Variants in MEGF11 observed in about 807,000 individuals in gnomAD.
MEGF11 encodes the protein multiple EGF like domains 11.
Under a neutral mutation model 146.6 loss-of-function variants are expected in MEGF11, and 126 were observed. That is an observed-to-expected ratio of 0.86 (90% CI 0.74 to 1.00). MEGF11 has a LOEUF of 1.00. MEGF11 is among the 50% of genes least tolerant of loss of function. The probability of loss-of-function intolerance (pLI) is 0.00; values close to 1 mark genes in which losing one functional copy is unlikely to be tolerated. For missense variants in MEGF11, 1,509 were observed against 1,521.2 expected (o/e 0.99, Z 0.13); for synonymous variants, 532 against 583.4 (o/e 0.91, Z 1.27).
In MEGF11 at chr15:66,169,647, C is replaced by T. The variant is rs559055428; in HGVS notation, c.-8-41236G>A. ...TTTGGGAAAACTTTCAAAGATGCCACGTCCTTGGTTCCTTATCTAAAGCTT... is the reference window on the plus strand; with the variant it reads ...TTTGGGAAAACTTTCAAAGATGCCATGTCCTTGGTTCCTTATCTAAAGCTT... On this transcript the variant is annotated intron_variant, in intron 1 of 25. Transcript: ENST00000395614. 9.2e-5 allele frequency among the ~76,000 whole-genome samples: 14 copies of T among 152,376 alleles called. No individual in the cohort carries two copies. The South Asian group carries it at 2.1e-3, about 23-fold the overall frequency.
intron 5 of MEGF11, among the ~76,000 whole-genome samples, chr15:66,090,773 C>A (rs1054990831): frequency 6.6e-6 from 1 of 152,188 alleles, no homozygotes; most frequent in African/African-American, 2.4e-5. Flanking sequence ...AAGGCCATTA[C>A]AAATCTAGAG....
At chr15:66,018,455 C>G (rs1233479756) in intron 5 of MEGF11, among the ~76,000 whole-genome samples, 2 of 152,184 alleles carry the variant, frequency 1.3e-5, no homozygotes, top group Admixed American at 6.5e-5. Context: ...GACTCAGCCC[C>G]GCTGTGGTTT....
intron 5 of MEGF11, among the ~76,000 whole-genome samples, chr15:66,038,045 G>A (rs192698379): frequency 3.4e-4 from 52 of 152,340 alleles, no homozygotes; most frequent in African/African-American, 1.2e-3. Context: ...GGTTTTATAT[G>A]TAATAAAATT....
intron 5 of MEGF11, among the ~76,000 whole-genome samples, chr15:66,042,272 G>C (rs185762155): frequency 4.8e-4 from 73 of 152,176 alleles, no homozygotes; most frequent in African/African-American, 1.7e-3. Context: ...ACCACACCTG[G>C]CTAATTTTTG....
At chr15:66,056,990 G>A (rs757094536) in intron 5 of MEGF11, among the ~76,000 whole-genome samples, 1 of 152,218 alleles carries the variant, frequency 6.6e-6, no homozygotes, top group Non-Finnish European at 1.5e-5. Flanking sequence ...TATTAAAGGA[G>A]CATTTATAAA....
At chr15:66,007,843 G>A (rs1418567610) in intron 5 of MEGF11, among the ~76,000 whole-genome samples, 1 of 152,214 alleles carries the variant, frequency 6.6e-6, no homozygotes, top group Non-Finnish European at 1.5e-5. Context: ...CATCTACTAA[G>A]TGCCTAGCAC....
At chr15:66,150,986 T>TGA (rs2089553520) in intron 1 of MEGF11, among the ~76,000 whole-genome samples, 1 of 151,872 alleles carries the variant, frequency 6.6e-6, no homozygotes, top group East Asian at 1.9e-4. Context: ...CTCTAGAAGG[T>TGA]GAGAAGGATT....
At chr15:66,158,539 C>T (rs1432137885) in intron 1 of MEGF11, among the ~76,000 whole-genome samples, 1 of 152,214 alleles carries the variant, frequency 6.6e-6, no homozygotes, top group Non-Finnish European at 1.5e-5. Context: ...CCCTCCGGGG[C>T]CCCAAACCTG....
intron 5 of MEGF11, among the ~76,000 whole-genome samples, chr15:66,019,113 G>T (rs1165502043): frequency 3.3e-5 from 5 of 152,168 alleles, no homozygotes; most frequent in African/African-American, 1.2e-4. Flanking sequence ...GGGCAGGGAG[G>T]CCAAGAAAGA....
intron 1 of MEGF11, among the ~76,000 whole-genome samples, chr15:66,203,056 G>A (rs1409785445): frequency 3.9e-5 from 6 of 152,066 alleles, no homozygotes; most frequent in East Asian, 3.9e-4. Flanking sequence ...TTCACCGTCC[G>A]AGGAGAGGAG....
intron 1 of MEGF11, among the ~76,000 whole-genome samples, chr15:66,245,761 C>T (rs1408018296): frequency 6.6e-6 from 1 of 152,190 alleles, no homozygotes; most frequent in Non-Finnish European, 1.5e-5. Flanking sequence ...GACTCTACCC[C>T]TCAGTAGAAT....
intron 10 of MEGF11, among the ~76,000 whole-genome samples, chr15:65,953,296 G>A (rs1471721994): frequency 6.6e-6 from 1 of 152,206 alleles, no homozygotes; most frequent in African/African-American, 2.4e-5. Flanking sequence ...TGTCAGGCAG[G>A]ATAAGTGGCT....
chr15:66,239,678 C>T (rs1160085469), intron 1 of MEGF11, among the ~76,000 whole-genome samples: 2 of 152,234 alleles, frequency 1.3e-5, no homozygotes, highest in African/African-American at 4.8e-5. Flanking sequence ...ACTGCACACT[C>T]CTCAGAAGCC....
chr15:66,093,962 C>T (rs1394661760), intron 5 of MEGF11, among the ~76,000 whole-genome samples: 4 of 152,160 alleles, frequency 2.6e-5, no homozygotes, highest in African/African-American at 9.7e-5. Flanking sequence ...CCCAAATGTC[C>T]ACCAGTCTCA....
At chr15:66,137,717 C>G (rs1218593584) in intron 1 of MEGF11, among the ~76,000 whole-genome samples, 2 of 149,168 alleles carry the variant, frequency 1.3e-5, no homozygotes, top group Non-Finnish European at 3.0e-5. Context: ...CGACACCTGG[C>G]TTTTTTTTTT....
intron 1 of MEGF11, among the ~76,000 whole-genome samples, chr15:66,142,345 A>G (rs930930159): frequency 6.6e-6 from 1 of 152,214 alleles, no homozygotes. Flanking sequence ...CCGTGGCAAC[A>G]TCTTTGCATC....
chr15:65,900,186 G>A (rs913354427), intron 24 of MEGF11, among the ~76,000 whole-genome samples: 3 of 152,206 alleles, frequency 2.0e-5, no homozygotes, highest in African/African-American at 4.8e-5. Flanking sequence ...TCTAAAAGGC[G>A]TCTCAGCACT....
At chr15:65,949,524 A>G (rs1307170796) in intron 10 of MEGF11, among the ~76,000 whole-genome samples, 1 of 152,220 alleles carries the variant, frequency 6.6e-6, no homozygotes, top group Non-Finnish European at 1.5e-5. Flanking sequence ...AAGGTAATAG[A>G]AATGCTGTCA....
intron 7 of MEGF11, among the ~76,000 whole-genome samples, chr15:65,973,797 G>A (rs1156861865): frequency 6.6e-6 from 1 of 152,122 alleles, no homozygotes. Context: ...GTCAAGAAAC[G>A]GCTATAAAGC....
Sources: allele counts gnomAD v4.1 joint callset (sites outside exome capture counted in the v4.1 genomes callset), GRCh38; gene constraint gnomAD v4.1.1; transcripts MANE v1.5; gene names NCBI Gene and HGNC (gene_info 2026-07-23, HGNC 2026-07-21).